The following AGAP1 variants were observed in gnomAD, a reference collection of about 807,000 sequenced individuals.
AGAP1 encodes arf-GAP with GTPase, ANK repeat and PH domain-containing protein 1.
AGAP1 carries 29 observed loss-of-function variants against 105.3 expected under a neutral mutation model. The observed-to-expected ratio is 0.28, with a 90% CI of 0.21 to 0.38. The LOEUF is 0.38. AGAP1 is among the 10% of genes least tolerant of loss of function. The pLI is 1.00. For synonymous variants in AGAP1, 509 were observed against 485.9 expected (o/e 1.05, Z -0.63); for missense variants, 998 against 1,165.1 (o/e 0.86, Z 2.09).
At position 235,574,294 on chromosome 2, in the gene AGAP1, C is replaced by T. The variant is rs572824995; in HGVS notation, c.163+79445C>T. Among the ~76,000 whole-genome samples, 29 of 152,320 alleles carry T rather than the reference C, an allele frequency of 1.9e-4. No homozygotes were observed. Among genetic ancestry groups the T allele is most frequent in the Middle Eastern group, 3.4e-3 (1 of 294 alleles). The stretch of plus-strand genomic sequence containing the variant: ...CCTGCCATCAGGCATTAAAATCTTC[C>T]GAACAGAAAAGCTGAAAATGTTCCC... On this transcript the variant is annotated intron_variant, in intron 1 of 17. Transcript: ENST00000304032. The surrounding 1 kb of genome is among the most constrained non-coding windows in gnomAD (Gnocchi z 5.0).
chr2:235,706,381 C>A (rs1188322118), intron 1 of AGAP1, among the ~76,000 whole-genome samples: 1 of 149,772 alleles, frequency 6.7e-6, no homozygotes, highest in Non-Finnish European at 1.5e-5. Context: ...CCCGCCACCA[C>A]GCCCGGCTAA....
rs1944005983 is a variant in AGAP1 at position 235,557,321 on chromosome 2, T to C, written c.163+62472T>C. On this transcript the variant is annotated intron_variant, in intron 1 of 17. Coordinates refer to ENST00000304032, the MANE Select transcript of AGAP1 (RefSeq NM_001037131.3). This position sits in a 1 kb window ranked among gnomAD's most constrained non-coding sequence, Gnocchi z 4.7. ...ATCACAGTTTGTTCACCTTGGAAGC[T>C]GTTGCTCACCGCGTGTTGATTTTAT... Among the ~76,000 whole-genome samples the C allele has an allele frequency of 6.6e-6, 1 of 152,104 alleles. No individual in the cohort carries two copies. The highest frequency in any genetic ancestry group is 6.5e-5 in the Admixed American group (1 of 15,274).
At chr2:236,108,992 C>A (rs372638418) in intron 16 of AGAP1, among the ~76,000 whole-genome samples, 13 of 152,184 alleles carry the variant, frequency 8.5e-5, no homozygotes, top group African/African-American at 3.1e-4. Flanking sequence ...ATGTGCTGAC[C>A]CTTCCCTGCC....
intron 1 of AGAP1, among the ~76,000 whole-genome samples, chr2:235,544,173 T>TG (rs1207638553): frequency 6.6e-6 from 1 of 152,220 alleles, no homozygotes; most frequent in African/African-American, 2.4e-5. Context: ...CATGTCTTTA[T>TG]GAGGGGTGAC....
Position 235,709,196 on chromosome 2 carries a change from C to A in AGAP1, c.181C>A (p.Gln61Lys). ...IAIEDAFVNS[Q>K]EWTLSRSVPE... ...TTTTTCAGATGCCTTCGTGAACAGC[C>A]AGGAATGGACGCTGAGTCGATCTGT... The change falls in exon 2 of 18, where the codon CAG becomes AAG. Residue 61 changes from glutamine to lysine, a missense_variant. By Grantham distance (53) the Gln-to-Lys change is moderately conservative. Coordinates refer to ENST00000304032, the MANE Select transcript of AGAP1 (RefSeq NM_001037131.3). The A allele has an allele frequency of 6.2e-7, 1 of 1,614,112 alleles. No individual in the cohort carries two copies. Among genetic ancestry groups the A allele is most frequent in the Non-Finnish European group, 8.5e-7 (1 of 1,180,028 alleles).
At chr2:235,558,367 G>C (rs137973606) in intron 1 of AGAP1, among the ~76,000 whole-genome samples, 1 of 152,120 alleles carries the variant, frequency 6.6e-6, no homozygotes, top group African/African-American at 2.4e-5. Context: ...CTTGGTTTTG[G>C]TTTCCCTGTC....
chr2:235,560,386 C>T (rs1211557746), intron 1 of AGAP1, among the ~76,000 whole-genome samples: 2 of 152,036 alleles, frequency 1.3e-5, no homozygotes, highest in African/African-American at 4.8e-5. Flanking sequence ...TCCATCCCTT[C>T]CCCTACTGTG....
At chr2:235,859,987 G>C (rs1377739810) in intron 9 of AGAP1, among the ~76,000 whole-genome samples, 1 of 152,194 alleles carries the variant, frequency 6.6e-6, no homozygotes, top group Non-Finnish European at 1.5e-5. Context: ...CCATCCCCAT[G>C]GGTTACCTTC....
intron 13 of AGAP1, among the ~76,000 whole-genome samples, chr2:236,008,683 C>G (rs1023807086): frequency 6.6e-6 from 1 of 152,094 alleles, no homozygotes; most frequent in Admixed American, 6.5e-5. Context: ...TTTTTATTTT[C>G]CCGGGTTGAT....
In AGAP1 at chr2:236,027,217, C is replaced by T. The variant is rs374253174; in HGVS notation, c.1646-9344C>T. Among the ~76,000 whole-genome samples the T allele has an allele frequency of 2.0e-5, 3 of 152,160 alleles. No homozygotes were observed. The highest frequency in any genetic ancestry group is 2.9e-5 in the Non-Finnish European group (2 of 67,994). Reference sequence around the variant, plus strand: ...GATATAAATTAGATCTGAAACTCTACGTGTGGGTATTCACCTATTACCCTC... The same window carrying T: ...GATATAAATTAGATCTGAAACTCTATGTGTGGGTATTCACCTATTACCCTC... On this transcript the variant is annotated intron_variant, in intron 13 of 17. Coordinates refer to ENST00000304032, the MANE Select transcript of AGAP1 (RefSeq NM_001037131.3). The surrounding 1 kb of genome is among the most constrained non-coding windows in gnomAD (Gnocchi z 4.4).
rs765231903 is a variant in AGAP1, at chr2:235,689,005, T to A, written c.164-20174T>A. 1.3e-5 allele frequency among the ~76,000 whole-genome samples: 2 copies of A among 152,166 alleles called. No homozygotes were observed. The highest frequency in any genetic ancestry group is 2.9e-5 in the Non-Finnish European group (2 of 68,022). On this transcript the variant is annotated intron_variant, in intron 1 of 17. Coordinates refer to ENST00000304032, the MANE Select transcript of AGAP1 (RefSeq NM_001037131.3). The surrounding 1 kb of genome is among the most constrained non-coding windows in gnomAD (Gnocchi z 4.2). ...ACTTTGCTTGCATTTGTGCAGCGAT[T>A]CCAGCAACAACCCTGTGCGGTAGAT...
intron 8 of AGAP1, among the ~76,000 whole-genome samples, chr2:235,806,937 G>A (rs1957865314): frequency 6.6e-6 from 1 of 152,118 alleles, no homozygotes; most frequent in South Asian, 2.1e-4. Flanking sequence ...TTTCTGTTGG[G>A]CGTTACTTTC....
At chr2:235,881,512 C>A (rs1483010568) in intron 9 of AGAP1, among the ~76,000 whole-genome samples, 1 of 152,180 alleles carries the variant, frequency 6.6e-6, no homozygotes, top group Non-Finnish European at 1.5e-5. Flanking sequence ...AGAGATTGTT[C>A]CATTTTTCTT....
chr2:235,556,953 T>C lies in AGAP1; in HGVS notation c.163+62104T>C. Among the ~76,000 whole-genome samples the C allele has an allele frequency of 6.6e-6, 1 of 152,276 alleles. No individual in the cohort carries two copies. The highest frequency in any genetic ancestry group is 2.1e-4 in the South Asian group (1 of 4,816). On this transcript the variant is annotated intron_variant, in intron 1 of 17. Transcript: ENST00000304032. This position sits in a 1 kb window ranked among gnomAD's most constrained non-coding sequence, Gnocchi z 5.3. ...TTATTTTAAATCCAGGTTTGATCATTTTCTGAGGATATAGCGTTTAGTGCA... is the reference window on the plus strand; with the variant it reads ...TTATTTTAAATCCAGGTTTGATCATCTTCTGAGGATATAGCGTTTAGTGCA...
chr2:235,680,583 C>T (rs1949011529), intron 1 of AGAP1, among the ~76,000 whole-genome samples: 1 of 151,932 alleles, frequency 6.6e-6, no homozygotes, highest in African/African-American at 2.4e-5. Flanking sequence ...GCTGGCTTCT[C>T]CTGGTGTCTT....
intron 1 of AGAP1, chr2:235,507,511 T>G (rs1941874794): frequency 6.6e-6 from 1 of 152,230 alleles, no homozygotes; most frequent in Non-Finnish European, 1.5e-5. Flanking sequence ...GAACATTTCC[T>G]GAACCATCCT....
intron 1 of AGAP1, among the ~76,000 whole-genome samples, chr2:235,651,219 A>G (rs1947580352): frequency 7.8e-6 from 1 of 128,876 alleles, no homozygotes; most frequent in African/African-American, 2.9e-5. Flanking sequence ...AAAAAAAAAG[A>G]GACACCCTTG....
At chr2:235,651,297 A>G (rs1947584232) in intron 1 of AGAP1, among the ~76,000 whole-genome samples, 1 of 151,806 alleles carries the variant, frequency 6.6e-6, no homozygotes, top group South Asian at 2.1e-4. Context: ...ATGATGATAA[A>G]CAGGAAGTTC....
At chr2:235,863,705 G>A (rs2049030937) in intron 9 of AGAP1, among the ~76,000 whole-genome samples, 2 of 152,232 alleles carry the variant, frequency 1.3e-5, no homozygotes, top group Admixed American at 6.5e-5. Context: ...CCAATGCAAG[G>A]CAGCAGCATG....
Sources: gnomAD v4.1 joint callset for allele counts (sites outside exome capture counted in the v4.1 genomes callset) on GRCh38, gnomAD v4.1.1 for gene constraint, Gnocchi (gnomAD v3.1) non-coding constraint, MANE v1.5 for transcripts, NCBI Gene and HGNC (gene_info 2026-07-23, HGNC 2026-07-21) for gene names.